NPAS3: variants seen among roughly 807,000 people sequenced by gnomAD.
NPAS3 encodes neuronal PAS domain protein 3, also known as neuronal PAS domain-containing protein 3.
In NPAS3, 14 loss-of-function variants were observed where a neutral mutation model predicts 73.1. The observed-to-expected ratio is 0.19, with a 90% confidence interval of 0.13 to 0.30. The LOEUF is 0.30. Ranked by LOEUF, NPAS3 falls within the 10% of genes least tolerant of loss-of-function variation. The pLI, the probability that NPAS3 is intolerant of heterozygous loss-of-function variation, is 1.00. For synonymous variants in NPAS3, 620 were observed against 541.5 expected, an observed-to-expected ratio of 1.14 and a Z score of -2.01; for missense variants, 1,096 against 1,250.0, an observed-to-expected ratio of 0.88 and a Z score of 1.86.
intron 2 of NPAS3, chr14:33,214,973 TGGACTTGA>T (rs2047167165): frequency 3.5e-6 from 2 of 571,842 alleles, no homozygotes. Flanking sequence ...TTTTACTCAT[TGGACTTGA>T]GTTTACAAAA....
chr14:32,949,390 C>G (rs2036393452), intron 1 of NPAS3, among the ~76,000 whole-genome samples: 1 of 151,946 alleles, frequency 6.6e-6, no homozygotes, highest in Admixed American at 6.6e-5. Context: ...TGTAGTGGAA[C>G]AAATTGAAAG....
chr14:33,723,358 T>G (rs568282631), intron 6 of NPAS3, among the ~76,000 whole-genome samples: 1 of 152,140 alleles, frequency 6.6e-6, no homozygotes, highest in Admixed American at 6.6e-5. Context: ...AATATAGGAT[T>G]CCCCATTCAA....
chr14:33,368,476 G>T (rs2045939683), intron 4 of NPAS3, among the ~76,000 whole-genome samples: 1 of 152,034 alleles, frequency 6.6e-6, no homozygotes, highest in South Asian at 2.1e-4. Context: ...TAAAGTCCAG[G>T]AATTTGTGGT....
intron 5 of NPAS3, among the ~76,000 whole-genome samples, chr14:33,634,264 TA>T (rs2058455999): frequency 6.6e-6 from 1 of 152,226 alleles, no homozygotes; most frequent in African/African-American, 2.4e-5. Context: ...GTGCACTGTC[TA>T]TTGGCATTAG....
downstream of NPAS3, chr14:33,801,186 C>T: frequency 2.0e-6 from 3 of 1,514,214 alleles, no homozygotes; most frequent in South Asian, 3.7e-5. Context: ...ACCTTTAATT[C>T]TAGCACTTTG....
intron 4 of NPAS3, among the ~76,000 whole-genome samples, chr14:33,408,017 T>C (rs2047744747): frequency 6.6e-6 from 1 of 152,198 alleles, no homozygotes; most frequent in Non-Finnish European, 1.5e-5. Context: ...CGAACATTGA[T>C]TTTTGATTAA....
In NPAS3 at chr14:33,252,665, G is replaced by T. The variant is rs1226430654; in HGVS notation, c.385+37239G>T. Among the ~76,000 whole-genome samples the T allele has an allele frequency of 2.0e-5, 3 of 151,386 alleles. No individual in the cohort carries two copies. In the East Asian group the frequency reaches 5.8e-4, roughly 29 times the overall value. On this transcript the variant is annotated intron_variant, in intron 3 of 11. Coordinates refer to ENST00000356141, the Ensembl canonical transcript of NPAS3. ...ATTTTTTTTTTAATTTCAGATTCAG[G>T]GGGTATATGTGCATGTTTGTTACAT... is the stretch of plus-strand genomic sequence containing the variant.
intron 6 of NPAS3, among the ~76,000 whole-genome samples, chr14:33,723,881 C>G (rs1440113697): frequency 1.3e-5 from 2 of 152,142 alleles, no homozygotes; most frequent in African/African-American, 4.8e-5. Flanking sequence ...AAACGGATGT[C>G]AGAATGAGAG....
chr14:33,411,827 A>T (rs1349147188), intron 4 of NPAS3, among the ~76,000 whole-genome samples: 5 of 150,526 alleles, frequency 3.3e-5, no homozygotes, highest in Non-Finnish European at 4.4e-5. Flanking sequence ...TTTCAAGCTC[A>T]GCTCAGTTTA....
At chr14:33,685,959 G>A (rs2060076750) in intron 6 of NPAS3, among the ~76,000 whole-genome samples, 1 of 152,124 alleles carries the variant, frequency 6.6e-6, no homozygotes. Flanking sequence ...AGGTAGATGT[G>A]ACATCTTCCA....
intron 4 of NPAS3, among the ~76,000 whole-genome samples, chr14:33,464,242 C>A (rs886896904): frequency 2.6e-5 from 4 of 152,158 alleles, no homozygotes; most frequent in Non-Finnish European, 5.9e-5. Flanking sequence ...CCCCTAGTTC[C>A]ATATTCTGTG....
chr14:33,102,934 G>T (rs1253498830), intron 2 of NPAS3, among the ~76,000 whole-genome samples: 1 of 151,970 alleles, frequency 6.6e-6, no homozygotes, highest in Non-Finnish European at 1.5e-5. Flanking sequence ...GGGTTTTTTT[G>T]CATGGAGAAC....
chr14:33,578,067 G>T (rs1262085571), intron 5 of NPAS3, among the ~76,000 whole-genome samples: 1 of 152,240 alleles, frequency 6.6e-6, no homozygotes, highest in African/African-American at 2.4e-5. Flanking sequence ...GGGATAGCAT[G>T]TTTTTTCTAG....
chr14:33,555,127 C>G (rs1257059814), intron 4 of NPAS3, among the ~76,000 whole-genome samples: 3 of 152,174 alleles, frequency 2.0e-5, no homozygotes, highest in Non-Finnish European at 4.4e-5. Context: ...TCAGCCCTGT[C>G]TGGATGGCTA....
intron 3 of NPAS3, among the ~76,000 whole-genome samples, chr14:33,289,768 G>A (rs893206226): frequency 2.0e-5 from 3 of 151,278 alleles, no homozygotes; most frequent in African/African-American, 7.3e-5. Flanking sequence ...GTTACGTTGA[G>A]CCGAGATTGC....
At chr14:32,946,989 A>G (rs2036289103) in intron 1 of NPAS3, among the ~76,000 whole-genome samples, 1 of 152,316 alleles carries the variant, frequency 6.6e-6, no homozygotes, top group South Asian at 2.1e-4. Flanking sequence ...CCTAGTGTAA[A>G]ACATTAAACT....
Position 33,629,158 on chromosome 14 carries a change from C to T in NPAS3, c.559-47053C>T, listed in dbSNP as rs376066094. 1.6e-3 allele frequency among the ~76,000 whole-genome samples: 246 copies of T among 151,830 alleles called. 2 individuals carry two copies. The highest frequency in any genetic ancestry group is 5.6e-3 in the African/African-American group (230 of 41,372). ...GCTGAGGCAGGAGAATGGCGTGAGCCCCGGAGGCGAAGTTTGCAGTGAGGG... is the reference window on the plus strand; with the variant it reads ...GCTGAGGCAGGAGAATGGCGTGAGCTCCGGAGGCGAAGTTTGCAGTGAGGG... On this transcript the variant is annotated intron_variant, in intron 5 of 11. Coordinates refer to ENST00000356141, the Ensembl canonical transcript of NPAS3.
chr14:33,607,642 C>A (rs903550475), intron 5 of NPAS3, among the ~76,000 whole-genome samples: 1 of 152,252 alleles, frequency 6.6e-6, no homozygotes, highest in East Asian at 1.9e-4. Flanking sequence ...AAGGTAGATA[C>A]TTTAAATATA....
intron 5 of NPAS3, among the ~76,000 whole-genome samples, chr14:33,574,822 G>C (rs541304806): frequency 2.0e-5 from 3 of 152,282 alleles, no homozygotes; most frequent in Admixed American, 6.5e-5. Flanking sequence ...GCTGAGAAGT[G>C]GGGGAATGGA....
Sources: gnomAD v4.1 joint callset for allele counts (sites outside exome capture counted in the v4.1 genomes callset) on GRCh38, gnomAD v4.1.1 for gene constraint, MANE v1.5 for transcripts, NCBI Gene and HGNC (gene_info 2026-07-23, HGNC 2026-07-21) for gene names.